GPRC5B: variants seen among roughly 807,000 people sequenced by gnomAD.
The protein encoded by GPRC5B is G protein-coupled receptor class C group 5 member B, also known as G protein-coupled receptor family C group 5 member B.
In GPRC5B, 16 loss-of-function variants were observed where a neutral mutation model predicts 30.1. The ratio of observed to expected loss-of-function variants is 0.53; its 90% CI spans 0.36 to 0.81. The LOEUF is 0.81. Ranked by LOEUF, GPRC5B falls within the 30% of genes least tolerant of loss-of-function variation. The pLI, the probability that GPRC5B is intolerant of heterozygous loss-of-function variation, is 0.01. For missense variants in GPRC5B, 428 were observed against 544.7 expected (o/e 0.79, Z 2.13); for synonymous variants, 241 against 239.5 (o/e 1.01, Z -0.06).
intron 2 of GPRC5B, among the ~76,000 whole-genome samples, chr16:19,871,297 A>AAAAG (rs1445279468): frequency 2.0e-5 from 3 of 150,510 alleles, no homozygotes; most frequent in Non-Finnish European, 3.0e-5. Flanking sequence ...AAAAAAAAAA[A>AAAAG]AAAGAAAGAA....
rs2056595226 is a variant in GPRC5B at position 19,858,737 on chromosome 16, T to C, written c.*1763A>G. On this transcript the variant is annotated 3_prime_UTR_variant, in exon 4 of 4. Transcript: ENST00000300571. The stretch of plus-strand genomic sequence containing the variant: ...GTCCACGCAATGACTGGAACGGGAT[T>C]CTCTAGAAGCAAGCACATGCTCTGG... 4.5e-6 allele frequency: 2 copies of C among 441,082 alleles called. No individual in the cohort carries two copies. The highest frequency in any genetic ancestry group is 4.0e-5 in the African/African-American group (2 of 49,518). The allele number at this position is 441,082 out of a possible 1,614,324, so 27.3% of individuals were successfully genotyped here.
chr16:19,867,416 A>G (rs1009705078), intron 2 of GPRC5B, among the ~76,000 whole-genome samples: 1 of 152,234 alleles, frequency 6.6e-6, no homozygotes, highest in African/African-American at 2.4e-5. Flanking sequence ...GTAGAGATTA[A>G]AAGAGATCAG....
chr16:19,883,642 G>A (rs889876887), intron 1 of GPRC5B, among the ~76,000 whole-genome samples: 3 of 152,252 alleles, frequency 2.0e-5, no homozygotes, highest in Non-Finnish European at 4.4e-5. Flanking sequence ...GGTGCAGTTG[G>A]GCGGCCAATG....
At chr16:19,865,111 G>T (rs2056656427) in intron 2 of GPRC5B, among the ~76,000 whole-genome samples, 1 of 151,266 alleles carries the variant, frequency 6.6e-6, no homozygotes, top group South Asian at 2.1e-4. Flanking sequence ...GTCTCCCTAT[G>T]CTACTCAGGC....
intron 1 of GPRC5B, among the ~76,000 whole-genome samples, chr16:19,875,470 C>T (rs1036527661): frequency 6.6e-6 from 1 of 152,204 alleles, no homozygotes; most frequent in Non-Finnish European, 1.5e-5. Flanking sequence ...GTATTTATCT[C>T]CAGACATTTT....
upstream of GPRC5B, chr16:19,885,537 C>T (rs960895830): frequency 9.0e-7 from 1 of 1,106,446 alleles, no homozygotes; most frequent in African/African-American, 1.7e-5. The surrounding 1 kb of genome is among the most constrained non-coding windows in gnomAD (Gnocchi z 5.3). Context: ...CACGTCCAGT[C>T]GGTGCACCCC....
chr16:19,884,099 T>G, intron 1 of GPRC5B, among the ~76,000 whole-genome samples: 1 of 116,450 alleles, frequency 8.6e-6, no homozygotes, highest in East Asian at 3.4e-4. Flanking sequence ...CCCGCCATTG[T>G]ATGCAGCCGC....
At chr16:19,883,750 G>C (rs1469208274) in intron 1 of GPRC5B, among the ~76,000 whole-genome samples, 2 of 152,186 alleles carry the variant, frequency 1.3e-5, no homozygotes, top group East Asian at 3.9e-4. Context: ...TAGCGAACGG[G>C]GGACGGAAAG....
In GPRC5B at chr16:19,872,735, A is replaced by C; in HGVS notation, c.111T>G (p.Cys37Trp). 6.2e-7 allele frequency: 1 copy of C among 1,613,800 alleles called. No homozygotes were observed. Among genetic ancestry groups the C allele is most frequent in the Non-Finnish European group, 8.5e-7 (1 of 1,180,004 alleles). Residue 37 changes from cysteine to tryptophan, a missense_variant, in exon 2 of 4, where the codon TGT becomes TGG. Cys to Trp is a radical substitution (Grantham distance 215). Coordinates refer to ENST00000300571, the MANE Select transcript of GPRC5B (RefSeq NM_016235.3). This position sits in a 1 kb window ranked among gnomAD's most constrained non-coding sequence, Gnocchi z 5.0. ...ASENASTSRG[C>W]GLDLLPQYVS... is the part of the protein sequence containing the mutation. The stretch of plus-strand genomic sequence containing the variant: ...CGTACTGAGGGAGGAGGTCCAGCCC[A>C]CAGCCTCGGGATGTGCTGGCGTTTT...
rs2141132567 is a variant in GPRC5B at position 19,857,057 on chromosome 16, AACAAGATGAG to A, written c.*3433_*3442del. ...ACTCCTTAACTTTTACTGCAAACCC[AACAAGATGAG>A]ACACTTAAACCCAGACAGATGTAAC... is the stretch of plus-strand genomic sequence containing the variant. On this transcript the variant is annotated 3_prime_UTR_variant, in exon 4 of 4. Coordinates refer to ENST00000300571, the MANE Select transcript of GPRC5B (RefSeq NM_016235.3). 1 of 172,520 alleles carries A rather than the reference AACAAGATGAG, an allele frequency of 5.8e-6. No individual in the cohort carries two copies. Among genetic ancestry groups the A allele is most frequent in the East Asian group, 1.8e-4 (1 of 5,682 alleles). 10.7% of individuals were successfully genotyped at this position (172,520 alleles called of 1,614,324 possible). A position where few individuals can be genotyped will look rare whatever the true frequency, so the allele number is the denominator to read the frequency against.
Position 19,884,809 on chromosome 16 carries a change from C to T in GPRC5B, c.-84G>A. Reference sequence around the variant, plus strand: ...CTCTGCGGCGCGGCCGCGGCCCCCGCTCCACGCACGCCCGCCTGCGGGTCC... The same window carrying T: ...CTCTGCGGCGCGGCCGCGGCCCCCGTTCCACGCACGCCCGCCTGCGGGTCC... On this transcript the variant is annotated 5_prime_UTR_variant, in exon 1 of 4. Transcript: ENST00000300571. 2 of 984,432 alleles carry T rather than the reference C, an allele frequency of 2.0e-6. No homozygotes were observed. The highest frequency in any genetic ancestry group is 1.1e-4 in the East Asian group (1 of 8,744). 61.0% of individuals were successfully genotyped at this position (984,432 alleles called of 1,614,324 possible). A position where few individuals can be genotyped will look rare whatever the true frequency, so the allele number is the denominator to read the frequency against.
intron 2 of GPRC5B, among the ~76,000 whole-genome samples, chr16:19,869,006 G>A (rs1468989166): frequency 6.6e-6 from 1 of 152,144 alleles, no homozygotes; most frequent in Admixed American, 6.6e-5. Context: ...AGGTGGTAGT[G>A]AGGACTAATG....
Position 19,861,991 on chromosome 16 carries a change from T to C in GPRC5B, c.1031-18A>G. On this transcript the variant is annotated intron_variant, in intron 2 of 3. Coordinates refer to ENST00000300571, the MANE Select transcript of GPRC5B (RefSeq NM_016235.3). ...TCGGAGAGCTGGGGGAGGGAGGGAT[T>C]GGCAAGACAACATTGCCAAAAAAAA... 1 of 1,613,320 alleles carries C rather than the reference T, an allele frequency of 6.2e-7. No individual in the cohort carries two copies. Among genetic ancestry groups the C allele is most frequent in the Middle Eastern group, 1.7e-4 (1 of 5,948 alleles).
rs1291964121 is a variant in GPRC5B, at chr16:19,858,697, A to T, written c.*1803T>A. The T allele has an allele frequency of 4.4e-6, 2 of 451,592 alleles. No homozygotes were observed. Among genetic ancestry groups the T allele is most frequent in the Non-Finnish European group, 7.8e-6 (2 of 257,432 alleles). 28.0% of individuals were successfully genotyped at this position (451,592 alleles called of 1,614,324 possible). ...TCATTCCCTCCCACCCCTCCCCAGG[A>T]CTCTTACGTTTTCTGTCCACGCAAT... On this transcript the variant is annotated 3_prime_UTR_variant, in exon 4 of 4. Transcript: ENST00000300571.
At chr16:19,878,110 AATG>A (rs2141151212) in intron 1 of GPRC5B, among the ~76,000 whole-genome samples, 1 of 151,750 alleles carries the variant, frequency 6.6e-6, no homozygotes, top group Non-Finnish European at 1.5e-5. Context: ...GAGGCAGGAG[AATG>A]ATGTGAACCC....
rs1157743582 is a variant in GPRC5B at position 19,857,698 on chromosome 16, A to G, written c.*2802T>C. The G allele has an allele frequency of 1.1e-5, 2 of 181,380 alleles. No homozygotes were observed. Among genetic ancestry groups the G allele is most frequent in the East Asian group, 3.6e-4 (2 of 5,518 alleles). The allele number at this position is 181,380 out of a possible 1,614,324, so 11.2% of individuals were successfully genotyped here. A position where few individuals can be genotyped will look rare whatever the true frequency, so the allele number is the denominator to read the frequency against. On this transcript the variant is annotated 3_prime_UTR_variant, in exon 4 of 4. Transcript: ENST00000300571. ...AACTCAGCCTTGGCCAACCGAGACC[A>G]CCACCCGAGTTCACCCTTGTTCAGT...
At position 19,872,909 on chromosome 16, in the gene GPRC5B, C is replaced by T. The variant is rs966254466; in HGVS notation, c.-1-63G>A. 3 of 1,195,846 alleles carry T rather than the reference C, an allele frequency of 2.5e-6. No individual in the cohort carries two copies. The highest frequency in any genetic ancestry group is 3.6e-6 in the Non-Finnish European group (3 of 826,908). 74.1% of individuals were successfully genotyped at this position (1,195,846 alleles called of 1,614,324 possible). A position where few individuals can be genotyped will look rare whatever the true frequency, so the allele number is the denominator to read the frequency against. On this transcript the variant is annotated intron_variant, in intron 1 of 3. Transcript: ENST00000300571. The surrounding 1 kb of genome is among the most constrained non-coding windows in gnomAD (Gnocchi z 5.0). ...AAGATGAATTCATTGGAAGACTCCC[C>T]CTCTCCTGACTTCTTGAAGAAGACT...
intron 2 of GPRC5B, among the ~76,000 whole-genome samples, chr16:19,862,647 C>T (rs544088769): frequency 6.6e-6 from 1 of 152,160 alleles, no homozygotes; most frequent in Non-Finnish European, 1.5e-5. Context: ...CGCAGTGGCT[C>T]AAGCCTGTAA....
At chr16:19,884,038 C>T (rs2056829963) in intron 1 of GPRC5B, among the ~76,000 whole-genome samples, 1 of 151,878 alleles carries the variant, frequency 6.6e-6, no homozygotes, top group African/African-American at 2.4e-5. Flanking sequence ...CTAGCCGCCT[C>T]TTCCAGAGGT....
Sources: allele counts gnomAD v4.1 joint callset (sites outside exome capture counted in the v4.1 genomes callset), GRCh38; gene constraint gnomAD v4.1.1; non-coding constraint Gnocchi (gnomAD v3.1); transcripts MANE v1.5; gene names NCBI Gene and HGNC (gene_info 2026-07-23, HGNC 2026-07-21).